KCTD8: variants seen among roughly 807,000 people sequenced by gnomAD.
The protein encoded by KCTD8 is potassium channel tetramerization domain containing 8.
In KCTD8, 27 loss-of-function variants were observed where a neutral mutation model predicts 31.5. That is an observed-to-expected ratio of 0.86 (90% CI 0.63 to 1.18). The LOEUF is 1.18. Ranked by LOEUF, KCTD8 falls within the 50% of genes most tolerant of loss-of-function variation. The pLI is 0.00. For missense variants in KCTD8, 658 were observed against 647.7 expected, an observed-to-expected ratio of 1.02 and a Z score of -0.17; for synonymous variants, 290 against 280.0, an observed-to-expected ratio of 1.04 and a Z score of -0.36.
intron 1 of KCTD8, among the ~76,000 whole-genome samples, chr4:44,233,181 T>C (rs1005250898): frequency 1.3e-5 from 2 of 152,140 alleles, no homozygotes; most frequent in Non-Finnish European, 2.9e-5. Context: ...AAATAATGTA[T>C]GTTTTCCTTA....
At chr4:44,333,246 C>T (rs1169635766) in intron 1 of KCTD8, among the ~76,000 whole-genome samples, 1 of 151,994 alleles carries the variant, frequency 6.6e-6, no homozygotes, top group Non-Finnish European at 1.5e-5. Context: ...AATACAGGGA[C>T]CAGGAAAGAT....
At chr4:44,382,212 C>T (rs772799859) in intron 1 of KCTD8, among the ~76,000 whole-genome samples, 11 of 151,900 alleles carry the variant, frequency 7.2e-5, no homozygotes, top group Admixed American at 2.6e-4. Flanking sequence ...ATTTGAACTG[C>T]ACTACAGACA....
At chr4:44,336,224 A>T (rs1266185076) in intron 1 of KCTD8, among the ~76,000 whole-genome samples, 1 of 150,862 alleles carries the variant, frequency 6.6e-6, no homozygotes, top group Non-Finnish European at 1.5e-5. Context: ...AGCAAATATG[A>T]TTCATTAGAC....
intron 1 of KCTD8, among the ~76,000 whole-genome samples, chr4:44,263,093 C>A (rs969280648): frequency 5.9e-5 from 9 of 152,122 alleles, no homozygotes; most frequent in African/African-American, 1.4e-4. Flanking sequence ...CTCACATATT[C>A]TTTCCTCTCC....
At chr4:44,395,377 G>C (rs1348282141) in intron 1 of KCTD8, among the ~76,000 whole-genome samples, 3 of 152,082 alleles carry the variant, frequency 2.0e-5, no homozygotes, top group Admixed American at 6.6e-5. Flanking sequence ...ATAGGGTGTA[G>C]GCCAATCTGG....
At chr4:44,336,730 C>G (rs1365887439) in intron 1 of KCTD8, among the ~76,000 whole-genome samples, 1 of 151,898 alleles carries the variant, frequency 6.6e-6, no homozygotes, top group Non-Finnish European at 1.5e-5. Context: ...AAAATATAAA[C>G]AGTCATAATA....
At chr4:44,444,459 CAATTA>C (rs1468913288) in intron 1 of KCTD8, among the ~76,000 whole-genome samples, 9 of 152,048 alleles carry the variant, frequency 5.9e-5, no homozygotes, top group Non-Finnish European at 1.2e-4. Flanking sequence ...ATTAACTTTA[CAATTA>C]AATTAATTAT....
intron 1 of KCTD8, among the ~76,000 whole-genome samples, chr4:44,184,841 C>T (rs1023551419): frequency 7.9e-5 from 12 of 152,232 alleles, no homozygotes; most frequent in Admixed American, 3.3e-4. Context: ...AAATTAGTCC[C>T]GAGGTCACAC....
In KCTD8 at chr4:44,448,302, G is replaced by A. The variant is rs745406572; in HGVS notation, c.222C>T (p.Phe74=). The change falls in exon 1 of 2, where the codon TTC becomes TTT. Residue 74 remains phenylalanine, a synonymous_variant. Transcript: ENST00000360029. This position sits in a 1 kb window ranked among gnomAD's most constrained non-coding sequence, Gnocchi z 4.1. ...CGCCGCCACGGGGACTAGAGGGCGAGAACATGCTGGCCAAAGTACTGTCCG... is the reference window on the plus strand; with the variant it reads ...CGCCGCCACGGGGACTAGAGGGCGAAAACATGCTGGCCAAAGTACTGTCCG... The part of the protein sequence containing the change: ...SVPDSTLASM[F]SPSSPRGGAR... The A allele has an allele frequency of 1.9e-6, 3 of 1,607,062 alleles. No individual in the cohort carries two copies. The East Asian group carries it at 6.7e-5, about 36-fold the overall frequency.
chr4:44,194,583 C>T (rs1398450782), intron 1 of KCTD8, among the ~76,000 whole-genome samples: 1 of 152,008 alleles, frequency 6.6e-6, no homozygotes, highest in African/African-American at 2.4e-5. Context: ...TCATAACTTT[C>T]CTTGAAGTGC....
intron 1 of KCTD8, among the ~76,000 whole-genome samples, chr4:44,181,972 C>A (rs1181635550): frequency 6.6e-6 from 1 of 151,934 alleles, no homozygotes; most frequent in East Asian, 2.0e-4. Flanking sequence ...AGCCCCTCCG[C>A]CCGGCAGCCG....
At chr4:44,254,911 T>A (rs1226872937) in intron 1 of KCTD8, among the ~76,000 whole-genome samples, 3 of 151,858 alleles carry the variant, frequency 2.0e-5, no homozygotes, top group Admixed American at 6.6e-5. Context: ...GTGGGAACAT[T>A]TTATTTATAA....
At chr4:44,366,621 A>C (rs1719645978) in intron 1 of KCTD8, among the ~76,000 whole-genome samples, 1 of 152,160 alleles carries the variant, frequency 6.6e-6, no homozygotes, top group African/African-American at 2.4e-5. Context: ...GAATGGACTA[A>C]TACAGAGATG....
intron 1 of KCTD8, among the ~76,000 whole-genome samples, chr4:44,401,409 G>C (rs1166174149): frequency 2.0e-5 from 3 of 152,050 alleles, no homozygotes; most frequent in Non-Finnish European, 2.9e-5. Flanking sequence ...CAAAGACAAA[G>C]GAGTGTACAG....
At chr4:44,440,602 T>C (rs555264250) in intron 1 of KCTD8, among the ~76,000 whole-genome samples, 1 of 152,332 alleles carries the variant, frequency 6.6e-6, no homozygotes, top group African/African-American at 2.4e-5. Flanking sequence ...TCAAATTCAG[T>C]AACAACCTAA....
chr4:44,402,457 A>T (rs1055464169), intron 1 of KCTD8, among the ~76,000 whole-genome samples: 1 of 152,154 alleles, frequency 6.6e-6, no homozygotes, highest in Non-Finnish European at 1.5e-5. Context: ...AAAAGTGCAT[A>T]ATCCAATACT....
chr4:44,355,293 C>A (rs1577632941), intron 1 of KCTD8, among the ~76,000 whole-genome samples: 2 of 152,202 alleles, frequency 1.3e-5, no homozygotes, highest in South Asian at 4.1e-4. Flanking sequence ...ATAATATAGT[C>A]ACTAGAAACA....
chr4:44,331,202 C>A (rs769872231), intron 1 of KCTD8, among the ~76,000 whole-genome samples: 1 of 151,814 alleles, frequency 6.6e-6, no homozygotes, highest in East Asian at 1.9e-4. Flanking sequence ...TTGGCAACAG[C>A]TCTTTGATAA....
chr4:44,350,195 C>T (rs1719161452), intron 1 of KCTD8, among the ~76,000 whole-genome samples: 1 of 152,084 alleles, frequency 6.6e-6, no homozygotes, highest in Non-Finnish European at 1.5e-5. Context: ...ACTTTCCTGC[C>T]TATGTTTTAA....
Sources: allele counts gnomAD v4.1 joint callset (sites outside exome capture counted in the v4.1 genomes callset), GRCh38; gene constraint gnomAD v4.1.1; non-coding constraint Gnocchi (gnomAD v3.1); transcripts MANE v1.5; gene names NCBI Gene and HGNC (gene_info 2026-07-23, HGNC 2026-07-21).